RABGAP1L: variants seen among roughly 807,000 people sequenced by gnomAD.
RABGAP1L encodes rab GTPase-activating protein 1-like.
Under a neutral mutation model 137.7 loss-of-function variants are expected in RABGAP1L, and 63 were observed. The observed-to-expected ratio is 0.46, with a 90% CI of 0.37 to 0.56. The LOEUF is 0.56. Among genes scored for constraint, RABGAP1L ranks in the 20% least tolerant of loss-of-function variants. The pLI, the probability that RABGAP1L is intolerant of heterozygous loss-of-function variation, is 0.00. For synonymous variants in RABGAP1L, 431 were observed against 433.7 expected (o/e 0.99, Z 0.08); for missense variants, 1,095 against 1,244.0 (o/e 0.88, Z 1.80).
chr1:174,980,305 CAT>C (rs1454161450), intron 23 of RABGAP1L, among the ~76,000 whole-genome samples: 1 of 152,126 alleles, frequency 6.6e-6, no homozygotes, highest in African/African-American at 2.4e-5. Flanking sequence ...TGATAATCAA[CAT>C]ATGTTTATTT....
At chr1:174,737,734 T>C (rs930437813) in intron 17 of RABGAP1L, among the ~76,000 whole-genome samples, 2 of 152,216 alleles carry the variant, frequency 1.3e-5, no homozygotes, top group Non-Finnish European at 2.9e-5. Flanking sequence ...GGCCCATGTT[T>C]CTGCAAGCTG....
At chr1:174,329,597 G>T (rs1308783653) in intron 11 of RABGAP1L, among the ~76,000 whole-genome samples, 1 of 151,992 alleles carries the variant, frequency 6.6e-6, no homozygotes, top group Non-Finnish European at 1.5e-5. Flanking sequence ...TAGCAATAAA[G>T]ATTCAAAAGC....
At position 174,317,141 on chromosome 1, in the gene RABGAP1L, G is replaced by A. The variant is rs532980266; in HGVS notation, c.1465+12014G>A. On this transcript the variant is annotated intron_variant, in intron 11 of 25. Transcript: ENST00000681986. Reference sequence around the variant, plus strand: ...AGCCCACTTAGTGCTCTACTTCCCTGTGGACATGCTAGAACCTAAGGTGCA... The same window carrying A: ...AGCCCACTTAGTGCTCTACTTCCCTATGGACATGCTAGAACCTAAGGTGCA... Among the ~76,000 whole-genome samples, 4 of 151,988 alleles carry A rather than the reference G, an allele frequency of 2.6e-5. No individual in the cohort carries two copies. In the South Asian group the frequency reaches 8.3e-4, roughly 32 times the overall value.
At chr1:174,545,979 G>A (rs769305776) in intron 13 of RABGAP1L, 1 of 152,086 alleles carries the variant, frequency 6.6e-6, no homozygotes, top group East Asian at 1.9e-4. Context: ...TAGCATTAAA[G>A]TAGAAAGTTT....
intron 13 of RABGAP1L, among the ~76,000 whole-genome samples, chr1:174,412,816 C>T (rs1650098279): frequency 6.6e-6 from 1 of 152,088 alleles, no homozygotes; most frequent in Non-Finnish European, 1.5e-5. Flanking sequence ...TGTAATGTTT[C>T]TGATGAAAAG....
At chr1:174,836,757 G>A (rs919984765) in intron 19 of RABGAP1L, among the ~76,000 whole-genome samples, 3 of 152,174 alleles carry the variant, frequency 2.0e-5, no homozygotes, top group South Asian at 2.1e-4. Flanking sequence ...TGGCTTCATC[G>A]CTCCTTCTCT....
At chr1:174,314,001 CA>C (rs1679122687) in intron 11 of RABGAP1L, among the ~76,000 whole-genome samples, 1 of 152,080 alleles carries the variant, frequency 6.6e-6, no homozygotes, top group Non-Finnish European at 1.5e-5. Flanking sequence ...GTTTTGGTAT[CA>C]GGGTAATACT....
At chr1:174,380,684 T>TC (rs1269293777) in intron 12 of RABGAP1L, among the ~76,000 whole-genome samples, 13 of 148,450 alleles carry the variant, frequency 8.8e-5, no homozygotes, top group African/African-American at 2.5e-5. Flanking sequence ...TCTCTTTTTT[T>TC]CTTTATTAGT....
chr1:174,437,066 T>G (rs1030740116), intron 13 of RABGAP1L, among the ~76,000 whole-genome samples: 12 of 152,232 alleles, frequency 7.9e-5, no homozygotes, highest in African/African-American at 2.9e-4. Flanking sequence ...AAAACCCATC[T>G]GTACGTCACC....
At chr1:174,795,815 A>G (rs1688201408) in intron 18 of RABGAP1L, among the ~76,000 whole-genome samples, 1 of 152,230 alleles carries the variant, frequency 6.6e-6, no homozygotes, top group South Asian at 2.1e-4. Flanking sequence ...GGCTCAAGCC[A>G]TCTGCCTGCC....
At chr1:174,969,159 G>A (rs1266873403) in intron 20 of RABGAP1L, 118 bp from the exon 21 acceptor site, 14 of 731,152 alleles carry the variant, frequency 1.9e-5, no homozygotes, top group Non-Finnish European at 2.8e-5. Context: ...TGCCACTTGC[G>A]CCTTCTCCTT....
chr1:174,280,541 T>C (rs955195021), intron 10 of RABGAP1L, among the ~76,000 whole-genome samples: 4 of 152,230 alleles, frequency 2.6e-5, no homozygotes, highest in Non-Finnish European at 4.4e-5. Flanking sequence ...GTTCCCAAAC[T>C]ATTTTTTCTT....
chr1:174,205,077 A>C (rs1668413124), intron 1 of RABGAP1L, among the ~76,000 whole-genome samples: 1 of 151,996 alleles, frequency 6.6e-6, no homozygotes, highest in East Asian at 1.9e-4. Context: ...TTTTGTCTTT[A>C]GTTCTGTTTT....
At chr1:174,577,210 T>TACACACACAC (rs67709003) in intron 13 of RABGAP1L, among the ~76,000 whole-genome samples, 19 of 127,082 alleles carry the variant, frequency 1.5e-4, no homozygotes, top group African/African-American at 3.0e-4. Context: ...GGGGAAAAAA[T>TACACACACAC]ACACACACAC....
At chr1:174,161,219 G>GTATTAT (rs72031504) in intron 1 of RABGAP1L, among the ~76,000 whole-genome samples, 10,815 of 145,206 alleles carry the variant, frequency 0.074, 516 homozygotes, top group East Asian at 0.19. Context: ...GCTCTGATGT[G>GTATTAT]TATTATTATT....
At chr1:174,408,648 A>C (rs1649550592) in intron 13 of RABGAP1L, among the ~76,000 whole-genome samples, 1 of 152,224 alleles carries the variant, frequency 6.6e-6, no homozygotes, top group African/African-American at 2.4e-5. Flanking sequence ...AGCATTCCAC[A>C]GTGGCTGTAA....
At chr1:174,306,170 G>A (rs1678225383) in intron 11 of RABGAP1L, among the ~76,000 whole-genome samples, 2 of 152,176 alleles carry the variant, frequency 1.3e-5, no homozygotes, top group Admixed American at 6.5e-5. Context: ...ATCATTGTTG[G>A]ACATTTGGGT....
At chr1:174,251,404 G>C (rs16846815) in intron 6 of RABGAP1L, among the ~76,000 whole-genome samples, 11,005 of 151,348 alleles carry the variant, frequency 0.073, 590 homozygotes, top group East Asian at 0.32. Flanking sequence ...CTCCAGTTCA[G>C]ATATAGACAG....
At chr1:174,892,547 G>T in intron 19 of RABGAP1L, 1 of 523,330 alleles carries the variant, frequency 1.9e-6, no homozygotes, top group South Asian at 1.4e-5. Flanking sequence ...TCTTAGCTTT[G>T]AAAAGAAGAT....
Sources: gnomAD v4.1 joint callset for allele counts (sites outside exome capture counted in the v4.1 genomes callset) on GRCh38, gnomAD v4.1.1 for gene constraint, MANE v1.5 for transcripts, NCBI Gene and HGNC (gene_info 2026-07-23, HGNC 2026-07-21) for gene names.